Variants in CACNA1A observed in about 807,000 individuals in gnomAD.
CACNA1A encodes calcium voltage-gated channel subunit alpha1 A.
CACNA1A carries 57 observed loss-of-function variants against 262.4 expected under a neutral mutation model. The observed-to-expected ratio is 0.22, with a 90% CI of 0.18 to 0.27. The LOEUF is 0.27. Ranked by LOEUF, CACNA1A falls within the 10% of genes least tolerant of loss-of-function variation. The pLI, the probability that CACNA1A is intolerant of heterozygous loss-of-function variation, is 1.00. For synonymous variants in CACNA1A, 1,431 were observed against 1,419.3 expected, an observed-to-expected ratio of 1.01 and a Z score of -0.18; for missense variants, 2,526 against 3,562.8, an observed-to-expected ratio of 0.71 and a Z score of 7.41.
At chr19:13,382,490 A>C (rs1302961507) in intron 3 of CACNA1A, among the ~76,000 whole-genome samples, 1 of 152,190 alleles carries the variant, frequency 6.6e-6, no homozygotes, top group Non-Finnish European at 1.5e-5. Context: ...TGGCTAAGAA[A>C]GCCCTATGGA....
At chr19:13,389,778 A>G (rs749073377) in intron 3 of CACNA1A, among the ~76,000 whole-genome samples, 48 of 151,886 alleles carry the variant, frequency 3.2e-4, no homozygotes, top group Non-Finnish European at 6.5e-4. Flanking sequence ...TCCCTCAGGT[A>G]GTCTTTGCAT....
At chr19:13,240,521 GCA>G (rs146966559) in intron 31 of CACNA1A, among the ~76,000 whole-genome samples, 9,236 of 152,000 alleles carry the variant, frequency 0.061, 401 homozygotes, top group Non-Finnish European at 0.089. Context: ...TAGTGACTGT[GCA>G]CAGTGTGTGT....
At chr19:13,248,842 C>CAAA (rs36043557) in intron 30 of CACNA1A, among the ~76,000 whole-genome samples, 1 of 133,610 alleles carries the variant, frequency 7.5e-6, no homozygotes. Flanking sequence ...GAATCCATCT[C>CAAA]AAAAAAAAAA....
intron 20 of CACNA1A, 121 bp from the exon 21 acceptor site, chr19:13,285,327 T>G: frequency 1.0e-6 from 1 of 1,003,282 alleles, no homozygotes; most frequent in Non-Finnish European, 1.5e-6. Flanking sequence ...CTGCTGTATA[T>G]ACCAGGCATC....
chr19:13,334,627 C>A, intron 7 of CACNA1A, 134 bp from the exon 8 acceptor site: 1 of 608,506 alleles, frequency 1.6e-6, no homozygotes, highest in South Asian at 2.0e-5. Flanking sequence ...ATTCAGAAGT[C>A]CCTGGAGGTC....
At chr19:13,462,903 G>A (rs28539590) in intron 1 of CACNA1A, among the ~76,000 whole-genome samples, 1,605 of 152,186 alleles carry the variant, frequency 0.011, 34 homozygotes, top group African/African-American at 0.037. Context: ...GGGACTATAG[G>A]TGCATGCCAA....
intron 22 of CACNA1A, among the ~76,000 whole-genome samples, chr19:13,281,273 G>C (rs567335559): frequency 6.6e-6 from 1 of 151,778 alleles, no homozygotes; most frequent in Non-Finnish European, 1.5e-5. Context: ...AGCTACCTGG[G>C]GGGCTGAGGT....
chr19:13,243,429 T>C (rs1485750867), intron 31 of CACNA1A, among the ~76,000 whole-genome samples: 1 of 152,190 alleles, frequency 6.6e-6, no homozygotes, highest in East Asian at 1.9e-4. Context: ...AACAGATCCT[T>C]TTCTGTAGGG....
chr19:13,413,273 A>C (rs2060146375), intron 3 of CACNA1A, among the ~76,000 whole-genome samples: 1 of 151,388 alleles, frequency 6.6e-6, no homozygotes, highest in African/African-American at 2.4e-5. Context: ...TACCTGGCTA[A>C]TTTTTTGTAT....
intron 35 of CACNA1A, 102 bp downstream of exon 35, chr19:13,231,608 G>A: frequency 2.4e-6 from 3 of 1,242,060 alleles, no homozygotes; most frequent in Non-Finnish European, 3.4e-6. Context: ...GCCTTGGAGG[G>A]AACAAGCCTT....
intron 10 of CACNA1A, among the ~76,000 whole-genome samples, chr19:13,322,689 G>A (rs1407674597): frequency 6.6e-6 from 1 of 151,954 alleles, no homozygotes; most frequent in Non-Finnish European, 1.5e-5. Context: ...TCCACCTCCT[G>A]GGTTTAAGCA....
chr19:13,249,829 G>A (rs1318046599), intron 30 of CACNA1A, among the ~76,000 whole-genome samples: 1 of 109,820 alleles, frequency 9.1e-6, no homozygotes, highest in East Asian at 3.5e-4. Context: ...CTGAACTCTG[G>A]TGCTAAAGCT....
chr19:13,415,746 A>T (rs1320485788), intron 3 of CACNA1A, among the ~76,000 whole-genome samples: 2 of 29,094 alleles, frequency 6.9e-5, no homozygotes, highest in South Asian at 9.6e-4. Context: ...TCTCAATTAA[A>T]AAAAAAAAAA....
At chr19:13,286,394 G>T in intron 20 of CACNA1A, 109 bp downstream of exon 20, 1 of 513,526 alleles carries the variant, frequency 1.9e-6, no homozygotes, top group Non-Finnish European at 3.4e-6. Context: ...TCCAGGGGAG[G>T]AGACTGAGGC....
chr19:13,295,147 T>A (rs2057636372), intron 19 of CACNA1A, among the ~76,000 whole-genome samples: 1 of 152,238 alleles, frequency 6.6e-6, no homozygotes, highest in Non-Finnish European at 1.5e-5. Context: ...ACTCACAGCA[T>A]GAGCTTAGAA....
intron 3 of CACNA1A, among the ~76,000 whole-genome samples, chr19:13,429,401 G>C (rs1010799970): frequency 6.6e-6 from 1 of 151,982 alleles, no homozygotes; most frequent in East Asian, 1.9e-4. Context: ...GATCTTGGAG[G>C]GGGTGGGAGC....
chr19:13,374,103 G>C (rs563449602), intron 3 of CACNA1A, among the ~76,000 whole-genome samples: 1 of 152,292 alleles, frequency 6.6e-6, no homozygotes, highest in Non-Finnish European at 1.5e-5. Flanking sequence ...GGCCATGACA[G>C]AGAGCTTGGG....
rs1326606155 is a variant in CACNA1A at position 13,506,218 on chromosome 19, G to A, written c.7C>T (p.Arg3Cys). 2 of 1,481,600 alleles carry A rather than the reference G, an allele frequency of 1.3e-6. No homozygotes were observed. The highest frequency in any genetic ancestry group is 2.5e-5 in the Admixed American group (1 of 40,614). 91.8% of individuals were successfully genotyped at this position (1,481,600 alleles called of 1,614,324 possible). ...CGGGCCGGCATCTCGTCTCCGAAGC[G>A]GGCCATTCTGCAAAGAGCAAAGGGC... MA[R>C]FGDEMPARYG... The change falls in exon 1 of 47, where the codon CGC (arginine) becomes TGC (cysteine). Residue 3 changes from arginine to cysteine, a missense_variant. Transcript: ENST00000360228.
rs999766263 is a variant in CACNA1A, at chr19:13,325,179, C to CTCTTCT, written c.1345+5059_1345+5064dup. Among the ~76,000 whole-genome samples the CTCTTCT allele has an allele frequency of 2.2e-5, 3 of 138,650 alleles. No individual in the cohort carries two copies. The Admixed American group carries it at 2.3e-4, about 11-fold the overall frequency. 91.0% of individuals were successfully genotyped at this position (138,650 alleles called of 152,430 possible). A position where few individuals can be genotyped will look rare whatever the true frequency, so the allele number is the denominator to read the frequency against. On this transcript the variant is annotated intron_variant, in intron 10 of 46. Transcript: ENST00000360228. ...CCTTCTTCCTTCTTCTTCTTTCCTC[C>CTCTTCT]TCTTCTTCTTCTTCTTCTTTTTTTT...
Sources: gnomAD v4.1 joint callset for allele counts (sites outside exome capture counted in the v4.1 genomes callset) on GRCh38, gnomAD v4.1.1 for gene constraint, MANE v1.5 for transcripts, NCBI Gene and HGNC (gene_info 2026-07-23, HGNC 2026-07-21) for gene names.